Variants in SLC35F1 observed in about 807,000 individuals in gnomAD.
SLC35F1 encodes chromosome 6 open reading frame 169.
A neutral mutation model predicts 48.7 loss-of-function variants in SLC35F1; 14 were observed. That is an observed-to-expected ratio of 0.29 (90% CI 0.19 to 0.45). The LOEUF is 0.45. Among genes scored for constraint, SLC35F1 ranks in the 20% least tolerant of loss-of-function variants. SLC35F1 has a pLI of 1.00. For synonymous variants in SLC35F1, 190 were observed against 202.2 expected, an observed-to-expected ratio of 0.94 and a Z score of 0.51; for missense variants, 404 against 500.0, an observed-to-expected ratio of 0.81 and a Z score of 1.83.
In SLC35F1 at chr6:118,262,018, C is replaced by T. The variant is rs539491427; in HGVS notation, c.478-4977C>T. Among the ~76,000 whole-genome samples the T allele has an allele frequency of 7.9e-5, 12 of 152,164 alleles. No individual in the cohort carries two copies. The South Asian group carries it at 1.2e-3, about 16-fold the overall frequency. ...AGACTTGTAAAATATTCTGTAAAACCGGGATACAATTGGGGAGACACACCA... is the reference window on the plus strand; with the variant it reads ...AGACTTGTAAAATATTCTGTAAAACTGGGATACAATTGGGGAGACACACCA... On this transcript the variant is annotated intron_variant, in intron 3 of 7. Coordinates refer to ENST00000360388, the MANE Select transcript of SLC35F1 (RefSeq NM_001029858.4).
At chr6:118,136,028 A>G (rs953767666) in intron 1 of SLC35F1, among the ~76,000 whole-genome samples, 1 of 152,340 alleles carries the variant, frequency 6.6e-6, no homozygotes. Context: ...AGTTATTGCC[A>G]TCATGTTAAC....
intron 1 of SLC35F1, among the ~76,000 whole-genome samples, chr6:118,112,452 G>A (rs937942457): frequency 2.0e-5 from 3 of 151,778 alleles, no homozygotes; most frequent in South Asian, 2.1e-4. Flanking sequence ...TCTTACTCTC[G>A]GGAATGCCCT....
Position 118,118,257 on chromosome 6 carries a change from C to A in SLC35F1, c.174-36188C>A, listed in dbSNP as rs187093022. Among the ~76,000 whole-genome samples, 354 of 152,136 alleles carry A rather than the reference C, an allele frequency of 2.3e-3. 1 individual carries two copies. The highest frequency in any genetic ancestry group is 0.02 in the South Asian group (95 of 4,808). On this transcript the variant is annotated intron_variant, in intron 1 of 7. Transcript: ENST00000360388. Reference sequence around the variant, plus strand: ...CTGTCATCAGTCTTTATAACTTTAGCCATTCTAGTGGGGATACACTTAACA... The same window carrying A: ...CTGTCATCAGTCTTTATAACTTTAGACATTCTAGTGGGGATACACTTAACA...
intron 1 of SLC35F1, among the ~76,000 whole-genome samples, chr6:118,016,660 G>C (rs1413784409): frequency 6.6e-6 from 1 of 152,170 alleles, no homozygotes; most frequent in Non-Finnish European, 1.5e-5. Flanking sequence ...GTGTGAATAT[G>C]ATTCTGTGGA....
intron 4 of SLC35F1, among the ~76,000 whole-genome samples, chr6:118,273,095 A>C (rs1582763822): frequency 6.6e-6 from 1 of 150,892 alleles, no homozygotes; most frequent in East Asian, 1.9e-4. Flanking sequence ...GTTAGTGATA[A>C]CTTAGAAAAT....
chr6:118,055,262 G>A lies in SLC35F1; in HGVS notation c.174-99183G>A, dbSNP rs188193854. Among the ~76,000 whole-genome samples the A allele has an allele frequency of 7.1e-4, 108 of 152,280 alleles. 1 individual carries two copies. Among genetic ancestry groups the A allele is most frequent in the Non-Finnish European group, 1.2e-3 (82 of 68,004 alleles). ...AGGATGTTATGTTTAAACAATAAAT[G>A]TTAATAAGCATCTTAATGTAGTTAG... On this transcript the variant is annotated intron_variant, in intron 1 of 7. Transcript: ENST00000360388.
chr6:118,216,456 C>A (rs1467299305), intron 2 of SLC35F1, among the ~76,000 whole-genome samples: 1 of 67,514 alleles, frequency 1.5e-5, no homozygotes, highest in Non-Finnish European at 3.0e-5. Context: ...CTTCCCCCTA[C>A]CCCCACTTCA....
chr6:118,147,283 C>CATGAAACAGA (rs1773988020), intron 1 of SLC35F1, among the ~76,000 whole-genome samples: 2 of 152,178 alleles, frequency 1.3e-5, no homozygotes, highest in East Asian at 3.9e-4. Context: ...AAACAGGTTC[C>CATGAAACAGA]TGCAGGATCT....
At chr6:118,213,683 G>A (rs992633035) in intron 2 of SLC35F1, among the ~76,000 whole-genome samples, 1 of 152,148 alleles carries the variant, frequency 6.6e-6, no homozygotes. Context: ...ACACAGTGTT[G>A]AGTGAAAAAA....
chr6:118,243,579 A>G lies in SLC35F1; in HGVS notation c.477+7943A>G, dbSNP rs376153381. ...AGTAAGCGTGATGATAAAAGTCTGC[A>G]ACCAGCTCCATGGAGACACAGGAGA... On this transcript the variant is annotated intron_variant, in intron 3 of 7. Coordinates refer to ENST00000360388, the MANE Select transcript of SLC35F1 (RefSeq NM_001029858.4). 3.9e-4 allele frequency among the ~76,000 whole-genome samples: 59 copies of G among 152,338 alleles called. No homozygotes were observed. In the East Asian group the frequency reaches 9.1e-3, roughly 23 times the overall value.
At chr6:118,025,650 T>C (rs1213450130) in intron 1 of SLC35F1, among the ~76,000 whole-genome samples, 1 of 152,202 alleles carries the variant, frequency 6.6e-6, no homozygotes, top group Non-Finnish European at 1.5e-5. Flanking sequence ...ATTTATGATA[T>C]ATTTTGTGAG....
At chr6:118,258,504 C>A (rs1472524018) in intron 3 of SLC35F1, among the ~76,000 whole-genome samples, 1 of 151,788 alleles carries the variant, frequency 6.6e-6, no homozygotes, top group Admixed American at 6.6e-5. Context: ...CTTTGAAATC[C>A]CTGGGGATTT....
intron 4 of SLC35F1, among the ~76,000 whole-genome samples, chr6:118,274,677 C>T (rs1012077612): frequency 3.9e-5 from 6 of 152,120 alleles, no homozygotes; most frequent in South Asian, 2.1e-4. Flanking sequence ...GGATTACAGG[C>T]GTGTGCCACC....
At chr6:118,223,923 G>A (rs975769616) in intron 2 of SLC35F1, among the ~76,000 whole-genome samples, 15 of 152,200 alleles carry the variant, frequency 9.9e-5, no homozygotes, top group African/African-American at 2.2e-4. Context: ...TACATCGTGC[G>A]TCATTAGCTG....
At chr6:118,285,644 T>C (rs537213598) in intron 7 of SLC35F1, among the ~76,000 whole-genome samples, 2 of 152,304 alleles carry the variant, frequency 1.3e-5, no homozygotes, top group South Asian at 4.1e-4. Flanking sequence ...CTTTTTCCAA[T>C]ACGAACCTAG....
intron 2 of SLC35F1, among the ~76,000 whole-genome samples, chr6:118,219,042 A>G (rs1775112102): frequency 6.6e-6 from 1 of 152,180 alleles, no homozygotes; most frequent in Admixed American, 6.5e-5. Flanking sequence ...AAGGAAGTCT[A>G]TTTCTATGAA....
At chr6:117,984,294 C>T (rs1291349930) in intron 1 of SLC35F1, among the ~76,000 whole-genome samples, 3 of 151,882 alleles carry the variant, frequency 2.0e-5, no homozygotes, top group African/African-American at 7.3e-5. Flanking sequence ...ATCACGAGGT[C>T]AGGAGATCAC....
intron 2 of SLC35F1, among the ~76,000 whole-genome samples, chr6:118,206,096 A>G (rs1465977447): frequency 6.6e-6 from 1 of 152,222 alleles, no homozygotes; most frequent in African/African-American, 2.4e-5. Flanking sequence ...ATGTATGGCT[A>G]TATGATATTT....
At chr6:118,306,333 G>T (rs879662857) in intron 7 of SLC35F1, among the ~76,000 whole-genome samples, 4 of 152,208 alleles carry the variant, frequency 2.6e-5, no homozygotes, top group Non-Finnish European at 5.9e-5. Context: ...AATAGAAAAT[G>T]ATGACATTTC....
Sources: gnomAD v4.1 joint callset for allele counts (sites outside exome capture counted in the v4.1 genomes callset) on GRCh38, gnomAD v4.1.1 for gene constraint, MANE v1.5 for transcripts, NCBI Gene and HGNC (gene_info 2026-07-23, HGNC 2026-07-21) for gene names.